The following MRAS variants were observed in gnomAD, a reference collection of about 807,000 sequenced individuals.
MRAS encodes the protein ras-related protein M-Ras.
Under a neutral mutation model 20.9 loss-of-function variants are expected in MRAS, and 4 were observed. The observed-to-expected ratio is 0.19, with a 90% CI of 0.09 to 0.44. MRAS has a LOEUF of 0.44. Ranked by LOEUF, MRAS falls within the 20% of genes least tolerant of loss-of-function variation. The pLI, the probability that MRAS is intolerant of heterozygous loss-of-function variation, is 0.99. For missense variants in MRAS, 154 were observed against 277.5 expected, an observed-to-expected ratio of 0.56 and a Z score of 3.16; for synonymous variants, 98 against 102.9, an observed-to-expected ratio of 0.95 and a Z score of 0.29.
At chr3:138,387,859 G>A (rs1215955343) in intron 2 of MRAS, among the ~76,000 whole-genome samples, 1 of 152,132 alleles carries the variant, frequency 6.6e-6, no homozygotes, top group Admixed American at 6.5e-5. Context: ...GGGATCACGG[G>A]CCTTGTGAAA....
At chr3:138,363,567 G>T (rs1000336724) in intron 1 of MRAS, among the ~76,000 whole-genome samples, 3 of 152,066 alleles carry the variant, frequency 2.0e-5, no homozygotes, top group African/African-American at 7.2e-5. Flanking sequence ...CTGGGGCTGG[G>T]CTCAGGCTCA....
intron 2 of MRAS, among the ~76,000 whole-genome samples, chr3:138,384,023 G>A (rs1041537898): frequency 1.3e-5 from 2 of 152,148 alleles, no homozygotes; most frequent in African/African-American, 4.8e-5. Flanking sequence ...AGTATCAGGT[G>A]CAAGGGCCCC....
At chr3:138,377,598 C>T (rs999981079) in intron 2 of MRAS, among the ~76,000 whole-genome samples, 5 of 152,110 alleles carry the variant, frequency 3.3e-5, no homozygotes, top group African/African-American at 1.2e-4. Context: ...TGGTCTGCAC[C>T]CCTCAGATGG....
intron 3 of MRAS, among the ~76,000 whole-genome samples, chr3:138,397,863 C>T (rs3773750): frequency 0.075 from 11,458 of 152,218 alleles, 569 homozygotes; most frequent in Non-Finnish European, 0.11. Context: ...ACTCCGAATA[C>T]ATGAATTGCA....
At chr3:138,371,385 A>G (rs2054670770) in intron 1 of MRAS, among the ~76,000 whole-genome samples, 1 of 152,194 alleles carries the variant, frequency 6.6e-6, no homozygotes. Flanking sequence ...TAGAGCTGAA[A>G]CTAATTATAA....
intron 2 of MRAS, among the ~76,000 whole-genome samples, chr3:138,385,348 T>C (rs2054989697): frequency 6.6e-6 from 1 of 150,742 alleles, no homozygotes. Context: ...GTTCTCACTT[T>C]GTTGCCCAGA....
At chr3:138,379,446 C>G (rs755433058) in intron 2 of MRAS, among the ~76,000 whole-genome samples, 1 of 150,734 alleles carries the variant, frequency 6.6e-6, no homozygotes, top group Admixed American at 6.7e-5. Context: ...CAACCTCCCC[C>G]TCCCGGGTTC....
At chr3:138,365,998 A>G (rs886414711) in intron 1 of MRAS, among the ~76,000 whole-genome samples, 29 of 152,332 alleles carry the variant, frequency 1.9e-4, no homozygotes, top group African/African-American at 1.9e-4. Context: ...GAGAGGCCCA[A>G]TGACAGTGCC....
intron 1 of MRAS, among the ~76,000 whole-genome samples, chr3:138,365,811 A>G (rs572673094): frequency 2.0e-5 from 3 of 152,332 alleles, no homozygotes; most frequent in South Asian, 2.1e-4. Context: ...GAAGGGGACC[A>G]TGATCCATCA....
chr3:138,369,582 G>C (rs2054633030), intron 1 of MRAS, among the ~76,000 whole-genome samples: 1 of 152,130 alleles, frequency 6.6e-6, no homozygotes, highest in Admixed American at 6.6e-5. Flanking sequence ...TCAGCATTGT[G>C]GGGCACTGAA....
In MRAS at chr3:138,400,695, C is replaced by T. The variant is rs2055341859; in HGVS notation, c.527+82C>T. The T allele has an allele frequency of 9.1e-6, 11 of 1,208,344 alleles. No homozygotes were observed. The South Asian group carries it at 1.2e-4, about 14-fold the overall frequency. The allele number at this position is 1,208,344 out of a possible 1,614,324, so 74.9% of individuals were successfully genotyped here. ...GGCAGCTGGGAGCTTGAGGAAGCAG[C>T]TCCTGTTCTGAGGCCATGAGGCTGT... On this transcript the variant is annotated intron_variant, in intron 5 of 5. Coordinates refer to ENST00000423968, the MANE Select transcript of MRAS (RefSeq NM_001085049.3).
intron 1 of MRAS, among the ~76,000 whole-genome samples, chr3:138,356,521 C>G (rs74633014): frequency 8.5e-4 from 129 of 152,234 alleles, no homozygotes; most frequent in African/African-American, 3.0e-3. Context: ...TTTCACTCCA[C>G]TGGAAATGGA....
At chr3:138,397,206 G>C in intron 2 of MRAS, 118 bp from the exon 3 acceptor site, 1 of 1,235,162 alleles carries the variant, frequency 8.1e-7, no homozygotes, top group Non-Finnish European at 1.1e-6. Context: ...GCCTCTCACG[G>C]GACAGCTCGG....
intron 5 of MRAS, 82 bp downstream of exon 5, chr3:138,400,695 C>A: frequency 1.7e-6 from 2 of 1,208,338 alleles, no homozygotes; most frequent in Non-Finnish European, 2.4e-6. Flanking sequence ...GAGGAAGCAG[C>A]TCCTGTTCTG....
chr3:138,385,290 G>A (rs1364189740), intron 2 of MRAS, among the ~76,000 whole-genome samples: 1 of 146,138 alleles, frequency 6.8e-6, no homozygotes, highest in Non-Finnish European at 1.5e-5. Flanking sequence ...CTCCTCAGTA[G>A]CTGGGACCAC....
chr3:138,396,730 G>A (rs2055243926), intron 2 of MRAS, among the ~76,000 whole-genome samples: 1 of 152,138 alleles, frequency 6.6e-6, no homozygotes, highest in Non-Finnish European at 1.5e-5. Context: ...TGCCCTGGCT[G>A]TGAGGGGCCG....
intron 1 of MRAS, chr3:138,349,492 A>G (rs1334776344): frequency 6.6e-6 from 1 of 152,378 alleles, no homozygotes; most frequent in Non-Finnish European, 1.5e-5. Context: ...GGCTGGCCGC[A>G]GCGTATACAC....
chr3:138,401,272 C>T (rs960075447), intron 5 of MRAS, among the ~76,000 whole-genome samples: 7 of 152,160 alleles, frequency 4.6e-5, no homozygotes, highest in African/African-American at 1.4e-4. Flanking sequence ...GCCTAACCAG[C>T]GGGTCTCAGA....
intron 2 of MRAS, among the ~76,000 whole-genome samples, chr3:138,376,382 CTTTG>C (rs1163391017): frequency 6.6e-6 from 1 of 152,152 alleles, no homozygotes; most frequent in Non-Finnish European, 1.5e-5. Flanking sequence ...CATATTTTAT[CTTTG>C]TTTGTGTTTT....
Sources: gnomAD v4.1 joint callset for allele counts (sites outside exome capture counted in the v4.1 genomes callset) on GRCh38, gnomAD v4.1.1 for gene constraint, MANE v1.5 for transcripts, NCBI Gene and HGNC (gene_info 2026-07-23, HGNC 2026-07-21) for gene names.